The following LRRC27 variants were observed in gnomAD, a reference collection of about 807,000 sequenced individuals.
LRRC27 encodes leucine-rich repeat-containing protein 27.
In LRRC27, 57 loss-of-function variants were observed where a neutral mutation model predicts 55.0. That is an observed-to-expected ratio of 1.04 (90% CI 0.84 to 1.29). The LOEUF is 1.29. LRRC27 is among the 50% of genes most tolerant of loss of function. The pLI is 0.00. For synonymous variants in LRRC27, 278 were observed against 251.9 expected (o/e 1.10, Z -0.98); for missense variants, 721 against 651.5 (o/e 1.11, Z -1.16).
intron 2 of LRRC27, chr10:132,337,346 G>A (rs1032881798): frequency 1.2e-5 from 16 of 1,339,810 alleles, no homozygotes; most frequent in East Asian, 5.8e-5. Flanking sequence ...AGTCAGTTCC[G>A]GCTCCAAAGG....
chr10:132,331,803 C>T (rs772691054), upstream of LRRC27: 10 of 1,596,314 alleles, frequency 6.3e-6, no homozygotes, highest in Non-Finnish European at 8.5e-6. Context: ...TCTCTACTTG[C>T]CCGTCGACCA....
chr10:132,356,619 C>A (rs913579810), intron 8 of LRRC27, among the ~76,000 whole-genome samples: 24 of 151,292 alleles, frequency 1.6e-4, no homozygotes, highest in Admixed American at 1.4e-3. Context: ...TGAGTACCGT[C>A]CCCCAAGATT....
At chr10:132,330,374 C>A, upstream of LRRC27, 1 of 705,790 alleles carries the variant, frequency 1.4e-6, no homozygotes, top group Non-Finnish European at 2.7e-6. Flanking sequence ...AATCTTCCAT[C>A]CCCTTCGCCA....
At chr10:132,331,441 T>C (rs772021600), upstream of LRRC27, 3 of 1,610,164 alleles carry the variant, frequency 1.9e-6, no homozygotes, top group Non-Finnish European at 2.5e-6. Flanking sequence ...CTCACTGCGT[T>C]TCCTCGCCCC....
At position 132,352,289 on chromosome 10, in the gene LRRC27, CGGGTGGGG is replaced by C. The variant is rs1564840068; in HGVS notation, c.1073+537_1073+544del. Reference sequence around the variant, plus strand: ...CCCTTGTTTGTAGCCCCGAGGCCTCCGGGTGGGGCAGGCGCAGGTGCAGCGCTCCGTGT... The same window carrying C: ...CCCTTGTTTGTAGCCCCGAGGCCTCCCAGGCGCAGGTGCAGCGCTCCGTGT... On this transcript the variant is annotated intron_variant, in intron 7 of 10. Coordinates refer to ENST00000368614, the MANE Select transcript of LRRC27 (RefSeq NM_030626.3). 4.5e-4 allele frequency among the ~76,000 whole-genome samples: 21 copies of C among 47,050 alleles called. 1 individual carries two copies. The highest frequency in any genetic ancestry group is 7.5e-4 in the Non-Finnish European group (17 of 22,792). The allele number at this position is 47,050 out of a possible 152,430, so 30.9% of individuals were successfully genotyped here.
upstream of LRRC27, chr10:132,331,627 C>A (rs757898090): frequency 2.2e-5 from 36 of 1,612,778 alleles, no homozygotes; most frequent in Non-Finnish European, 2.8e-5. Flanking sequence ...GGACAGGCAG[C>A]GAGGACCGCT....
intron 8 of LRRC27, among the ~76,000 whole-genome samples, chr10:132,357,102 A>G (rs983911679): frequency 3.9e-5 from 6 of 152,176 alleles, no homozygotes; most frequent in Non-Finnish European, 7.3e-5. Flanking sequence ...TTGCAAAAAT[A>G]GTGTTTCCGT....
In LRRC27 at chr10:132,362,678, G is replaced by A. The variant is rs565308711; in HGVS notation, c.1289+1103G>A. The stretch of plus-strand genomic sequence containing the variant: ...CACCCTTCTCACCTCACACCAGCTC[G>A]GGGGGCCAGGGTTCATGAACCCTCT... On this transcript the variant is annotated intron_variant, in intron 9 of 10. Transcript: ENST00000368614. 2.9e-4 allele frequency among the ~76,000 whole-genome samples: 25 copies of A among 85,552 alleles called. 2 individuals are homozygous for A. The highest frequency in any genetic ancestry group is 1.2e-3 in the African/African-American group (22 of 18,940). The allele number at this position is 85,552 out of a possible 152,430, so 56.1% of individuals were successfully genotyped here.
intron 3 of LRRC27, 77 bp from the exon 4 acceptor site, chr10:132,342,136 G>T (rs748187843): frequency 2.4e-5 from 22 of 915,402 alleles, no homozygotes; most frequent in Non-Finnish European, 3.4e-5. Context: ...GAAAAATGAA[G>T]AAACTTGATG....
At chr10:132,356,864 C>T (rs988500687) in intron 8 of LRRC27, among the ~76,000 whole-genome samples, 2 of 152,256 alleles carry the variant, frequency 1.3e-5, no homozygotes, top group Non-Finnish European at 2.9e-5. Flanking sequence ...TGAATTTGGT[C>T]ATAGATGTTT....
Position 132,344,600 on chromosome 10 carries a change from T to C in LRRC27, c.503T>C (p.Leu168Pro). 1 of 1,614,216 alleles carries C rather than the reference T, an allele frequency of 6.2e-7. No individual in the cohort carries two copies. Among genetic ancestry groups the C allele is most frequent in the Non-Finnish European group, 8.5e-7 (1 of 1,180,032 alleles). Residue 168 changes from leucine (L) to proline (P), a missense_variant, in exon 5 of 11, where the codon CTG (leucine) becomes CCG (proline). By Grantham distance (98) the Leu-to-Pro change is moderately conservative. Transcript: ENST00000368614. ...QKGLVAIQRF[L>P]RMWAVEHSLP... Reference sequence around the variant, plus strand: ...GGATTGGTGGCTATCCAGCGCTTCCTGCGGATGTGGGCAGTAGAACACTCT... The same window carrying C: ...GGATTGGTGGCTATCCAGCGCTTCCCGCGGATGTGGGCAGTAGAACACTCT...
rs1053522289 is a variant in LRRC27, at chr10:132,372,775, C to G, written c.1417-2291C>G. 6.6e-6 allele frequency among the ~76,000 whole-genome samples: 1 copy of G among 152,178 alleles called. No individual in the cohort carries two copies. The highest frequency in any genetic ancestry group is 1.5e-5 in the Non-Finnish European group (1 of 68,036). On this transcript the variant is annotated intron_variant, in intron 10 of 10. Transcript: ENST00000368614. This position sits in a 1 kb window ranked among gnomAD's most constrained non-coding sequence, Gnocchi z 4.0. ...GCAGAAGGTCAGGTGCACAACCGAC[C>G]AGGAGGGCTGGCCAGCTCCATGGCG...
At chr10:132,332,030 G>T (rs2066791257), upstream of LRRC27, 1 of 331,156 alleles carries the variant, frequency 3.0e-6, no homozygotes, top group East Asian at 5.3e-5. Context: ...CCCACACCCC[G>T]CCCCCGCACG....
chr10:132,370,349 CAG>C (rs1369421589), intron 10 of LRRC27, among the ~76,000 whole-genome samples: 2 of 152,322 alleles, frequency 1.3e-5, no homozygotes, highest in South Asian at 4.1e-4. Flanking sequence ...GCCCAGGAGA[CAG>C]GGACATAAAC....
intron 2 of LRRC27, chr10:132,337,254 C>G: frequency 8.4e-7 from 1 of 1,187,076 alleles, no homozygotes; most frequent in Non-Finnish European, 1.0e-6. Flanking sequence ...AGTGTGGGGC[C>G]CCGGAATTCA....
At chr10:132,331,943 G>A (rs1163019656), upstream of LRRC27, 180 of 446,800 alleles carry the variant, frequency 4.0e-4, no homozygotes, top group African/African-American at 8.5e-3. Flanking sequence ...GCAACCCCCC[G>A]CCCCAGCGCA....
At chr10:132,331,644 G>A (rs772081131), upstream of LRRC27, 1 of 1,612,888 alleles carries the variant, frequency 6.2e-7, no homozygotes, top group Non-Finnish European at 8.5e-7. Context: ...CGCTCCAAAG[G>A]TGGTGCCTCA....
Position 132,364,456 on chromosome 10 carries a change from C to CACACCCACCCACACTT in LRRC27, c.1290-941_1290-926dup, listed in dbSNP as rs1219697474. ...TTACATCTACCTCCACACCCACACT[C>CACACCCACCCACACTT]ACACCCACCCACACTTACACCCACC... On this transcript the variant is annotated intron_variant, in intron 9 of 10. Transcript: ENST00000368614. Among the ~76,000 whole-genome samples, 12 of 27,350 alleles carry CACACCCACCCACACTT rather than the reference C, an allele frequency of 4.4e-4. 2 individuals are homozygous for CACACCCACCCACACTT. The highest frequency in any genetic ancestry group is 4.6e-4 in the Admixed American group (1 of 2,196). 17.9% of individuals were successfully genotyped at this position (27,350 alleles called of 152,430 possible). A position where few individuals can be genotyped will look rare whatever the true frequency, so the allele number is the denominator to read the frequency against.
rs576798727 is a variant in LRRC27, at chr10:132,374,729, G to A, written c.1417-337G>A. Among the ~76,000 whole-genome samples, 5 of 152,196 alleles carry A rather than the reference G, an allele frequency of 3.3e-5. No homozygotes were observed. The highest frequency in any genetic ancestry group is 2.0e-4 in the Admixed American group (3 of 15,278). On this transcript the variant is annotated intron_variant, in intron 10 of 10. Coordinates refer to ENST00000368614, the MANE Select transcript of LRRC27 (RefSeq NM_030626.3). This position sits in a 1 kb window ranked among gnomAD's most constrained non-coding sequence, Gnocchi z 4.4. ...TCAGCCTTCCCTTTGCCCACAGGAC[G>A]ATGCCCTGAGTCTCTGTTCATCCAT...
Sources: allele counts gnomAD v4.1 joint callset (sites outside exome capture counted in the v4.1 genomes callset), GRCh38; gene constraint gnomAD v4.1.1; non-coding constraint Gnocchi (gnomAD v3.1); transcripts MANE v1.5; gene names NCBI Gene and HGNC (gene_info 2026-07-23, HGNC 2026-07-21).